Variants in KATNAL2 observed in about 807,000 individuals in gnomAD.
KATNAL2 encodes the protein katanin catalytic subunit A1 like 2, also known as katanin p60 ATPase-containing subunit A-like 2.
A neutral mutation model predicts 76.3 loss-of-function variants in KATNAL2; 52 were observed. The observed-to-expected ratio is 0.68, with a 90% confidence interval of 0.55 to 0.86. The LOEUF is 0.86. Ranked by LOEUF, KATNAL2 falls within the 40% of genes least tolerant of loss-of-function variation. KATNAL2 has a pLI of 0.00. For synonymous variants in KATNAL2, 243 were observed against 244.2 expected (o/e 1.00, Z 0.05); for missense variants, 660 against 668.9 (o/e 0.99, Z 0.15).
In KATNAL2 at chr18:47,089,074, A is replaced by G. The variant is rs1378369587; in HGVS notation, c.1212-10169A>G. Reference sequence around the variant, plus strand: ...GTGGTGGGCCTTGACGCCACCTCCCATCTTGAATGGGTCCAGGACCTTCTA... The same window carrying G: ...GTGGTGGGCCTTGACGCCACCTCCCGTCTTGAATGGGTCCAGGACCTTCTA... On this transcript the variant is annotated intron_variant, in intron 15 of 17. Coordinates refer to ENST00000683218, the MANE Select transcript of KATNAL2 (RefSeq NM_001387690.1). 2.0e-5 allele frequency among the ~76,000 whole-genome samples: 3 copies of G among 152,262 alleles called. 1 individual carries two copies. In the South Asian group the frequency reaches 6.2e-4, roughly 32 times the overall value.
At chr18:47,040,831 T>C (rs963439293) in intron 3 of KATNAL2, among the ~76,000 whole-genome samples, 1 of 152,216 alleles carries the variant, frequency 6.6e-6, no homozygotes, top group Non-Finnish European at 1.5e-5. Flanking sequence ...CTCATGGTTT[T>C]ATGCATTGTA....
intron 1 of KATNAL2, among the ~76,000 whole-genome samples, chr18:46,932,057 C>G (rs1016476068): frequency 5.9e-5 from 9 of 151,762 alleles, no homozygotes; most frequent in African/African-American, 2.2e-4. Flanking sequence ...ATTACAGGTG[C>G]GTGCTACCAT....
At position 46,950,754 on chromosome 18, in the gene KATNAL2, G is replaced by A. The variant is rs1038029610; in HGVS notation, c.51+3831G>A. 8.9e-4 allele frequency among the ~76,000 whole-genome samples: 135 copies of A among 151,314 alleles called. 2 individuals are homozygous for A. Among genetic ancestry groups the A allele is most frequent in the African/African-American group, 3.0e-3 (125 of 41,180 alleles). On this transcript the variant is annotated intron_variant, in intron 3 of 17. Transcript: ENST00000683218. ...GGCTAGAGTGCAATGGTGTGATCTC[G>A]GCTCACCACAACCTCCACCTCCTGG...
At chr18:47,065,795 A>G (rs569438653) in intron 10 of KATNAL2, among the ~76,000 whole-genome samples, 2 of 152,028 alleles carry the variant, frequency 1.3e-5, no homozygotes, top group East Asian at 3.9e-4. Flanking sequence ...ACTGGGCAAC[A>G]TAGTGAGACT....
intron 15 of KATNAL2, among the ~76,000 whole-genome samples, chr18:47,096,503 G>C (rs147901508): frequency 4.6e-5 from 7 of 151,998 alleles, no homozygotes; most frequent in African/African-American, 1.7e-4. Flanking sequence ...CACCACACCC[G>C]GCTAATTTTT....
chr18:47,099,367 G>C lies in KATNAL2; in HGVS notation c.1336G>C (p.Glu446Gln). The stretch of plus-strand genomic sequence containing the variant: ...TCCTGTGAGCAAGAGCAGGGCCTTG[G>C]AGCTGCACACAGAGCTGGAGTACAG... ...LPPVSKSRAL[E>Q]LHTELEYSVL... The change falls in exon 16 of 18, where the codon GAG (glutamate) becomes CAG (glutamine). Residue 446 changes from glutamate to glutamine, a missense_variant. Physicochemically the swap from Glu to Gln is conservative, Grantham distance 29 (BLOSUM62 2). Transcript: ENST00000683218. The C allele has an allele frequency of 6.2e-7, 1 of 1,613,994 alleles. No homozygotes were observed. Among genetic ancestry groups the C allele is most frequent in the Non-Finnish European group, 8.5e-7 (1 of 1,179,908 alleles).
intron 13 of KATNAL2, among the ~76,000 whole-genome samples, chr18:47,074,078 GTGTA>G (rs2062102498): frequency 6.6e-6 from 1 of 152,158 alleles, no homozygotes; most frequent in Non-Finnish European, 1.5e-5. Context: ...GGGCTTCTTT[GTGTA>G]TGTGTGTGAC....
intron 3 of KATNAL2, chr18:47,034,911 G>A (rs2060691478): frequency 6.2e-7 from 1 of 1,611,984 alleles, no homozygotes; most frequent in South Asian, 1.1e-5. Context: ...GGCTCCTGGG[G>A]GCCGTCGCGT....
rs2061682945 is a variant in KATNAL2 at position 47,062,992 on chromosome 18, A to G, written c.570A>G (p.Gln190=). The change falls in exon 9 of 18, where the codon CAA becomes CAG. Residue 190 remains glutamine, a synonymous_variant. Coordinates refer to ENST00000683218, the MANE Select transcript of KATNAL2 (RefSeq NM_001387690.1). ...TTCAGGGCCAAATCATTGACTTCCAAGGGCTGCTCACAGATGCCATCAAGG... is the reference window on the plus strand; with the variant it reads ...TTCAGGGCCAAATCATTGACTTCCAGGGGCTGCTCACAGATGCCATCAAGG... ...HPRRGQIIDF[Q]GLLTDAIKGA... 1 of 1,613,988 alleles carries G rather than the reference A, an allele frequency of 6.2e-7. No homozygotes were observed. Among genetic ancestry groups the G allele is most frequent in the South Asian group, 1.1e-5 (1 of 91,082 alleles).
intron 3 of KATNAL2, chr18:47,034,835 G>C: frequency 6.2e-7 from 1 of 1,612,156 alleles, no homozygotes; most frequent in Non-Finnish European, 8.5e-7. Context: ...TGAGACCTCG[G>C]GTGAGGTCTC....
At chr18:46,934,207 T>C (rs1055660218) in intron 1 of KATNAL2, among the ~76,000 whole-genome samples, 10 of 152,126 alleles carry the variant, frequency 6.6e-5, no homozygotes, top group South Asian at 4.1e-4. Flanking sequence ...GTTCTAGATC[T>C]CTGAGGAATC....
At chr18:47,052,772 T>TA in intron 4 of KATNAL2, 108 bp from the exon 5 acceptor site, 1 of 805,686 alleles carries the variant, frequency 1.2e-6, no homozygotes, top group African/African-American at 1.7e-5. Context: ...TAATGTGCTA[T>TA]ATATAGGCTT....
intron 6 of KATNAL2, among the ~76,000 whole-genome samples, chr18:47,057,339 C>A (rs1242001566): frequency 6.6e-6 from 1 of 152,216 alleles, no homozygotes; most frequent in Non-Finnish European, 1.5e-5. Flanking sequence ...CTGTCTCTCT[C>A]TGGATGGCAT....
chr18:46,961,888 G>C (rs1433220891), intron 3 of KATNAL2, among the ~76,000 whole-genome samples: 5 of 152,218 alleles, frequency 3.3e-5, no homozygotes, highest in Non-Finnish European at 7.3e-5. Context: ...CGTATGATAT[G>C]ATTGAGAATG....
Position 47,092,223 on chromosome 18 carries a change from G to A in KATNAL2, c.1212-7020G>A, listed in dbSNP as rs183742230. On this transcript the variant is annotated intron_variant, in intron 15 of 17. Coordinates refer to ENST00000683218, the MANE Select transcript of KATNAL2 (RefSeq NM_001387690.1). ...CCCTGTTAAAAGATCTCCCGGCCGAGTGCAGTGGATCACGCCTGTAATCCC... is the reference window on the plus strand; with the variant it reads ...CCCTGTTAAAAGATCTCCCGGCCGAATGCAGTGGATCACGCCTGTAATCCC... Among the ~76,000 whole-genome samples, 555 of 152,336 alleles carry A rather than the reference G, an allele frequency of 3.6e-3. 5 individuals carry two copies. The highest frequency in any genetic ancestry group is 0.013 in the African/African-American group (533 of 41,584).
At chr18:46,938,185 T>G (rs1017874342) in intron 1 of KATNAL2, among the ~76,000 whole-genome samples, 12 of 152,176 alleles carry the variant, frequency 7.9e-5, no homozygotes, top group African/African-American at 2.9e-4. Context: ...AAAAACAATG[T>G]TAAATGAAAA....
intron 1 of KATNAL2, among the ~76,000 whole-genome samples, chr18:46,921,157 T>C (rs538129428): frequency 6.6e-6 from 1 of 152,334 alleles, no homozygotes; most frequent in South Asian, 2.1e-4. Flanking sequence ...GGACGGAGTC[T>C]CGCTCTGTTG....
chr18:47,081,377 T>C (rs1021353043), intron 15 of KATNAL2, among the ~76,000 whole-genome samples: 4 of 152,252 alleles, frequency 2.6e-5, no homozygotes, highest in African/African-American at 9.6e-5. Flanking sequence ...TTAATGTTAA[T>C]AACATGTTTT....
intron 6 of KATNAL2, among the ~76,000 whole-genome samples, chr18:47,056,933 T>C (rs1280140721): frequency 6.6e-6 from 1 of 152,166 alleles, no homozygotes; most frequent in Non-Finnish European, 1.5e-5. Context: ...TTCATAGATA[T>C]TTTATTTTTG....
Sources: allele counts gnomAD v4.1 joint callset (sites outside exome capture counted in the v4.1 genomes callset), GRCh38; gene constraint gnomAD v4.1.1; transcripts MANE v1.5; gene names NCBI Gene and HGNC (gene_info 2026-07-23, HGNC 2026-07-21).